KSR2: variants seen among roughly 807,000 people sequenced by gnomAD.
The protein encoded by KSR2 is kinase suppressor of ras 2.
Under a neutral mutation model 107.8 loss-of-function variants are expected in KSR2, and 25 were observed. The observed-to-expected ratio is 0.23, with a 90% CI of 0.17 to 0.32. KSR2 has a LOEUF of 0.32. Among genes scored for constraint, KSR2 ranks in the 10% least tolerant of loss-of-function variants. The probability of loss-of-function intolerance (pLI) is 1.00; values close to 1 mark genes in which losing one functional copy is unlikely to be tolerated. For missense variants in KSR2, 887 were observed against 1,268.9 expected (o/e 0.70, Z 4.57); for synonymous variants, 480 against 507.0 (o/e 0.95, Z 0.71).
chr12:117,934,660 C>T (rs569762283), intron 1 of KSR2, among the ~76,000 whole-genome samples: 2 of 152,260 alleles, frequency 1.3e-5, no homozygotes, highest in East Asian at 3.9e-4. Flanking sequence ...CAAAGGGGCT[C>T]AGATGAATAC....
intron 3 of KSR2, among the ~76,000 whole-genome samples, chr12:117,791,492 T>C (rs1384759897): frequency 6.6e-6 from 1 of 152,178 alleles, no homozygotes; most frequent in Non-Finnish European, 1.5e-5. Flanking sequence ...TACATTATAA[T>C]GGATCCTCGA....
At chr12:117,552,308 A>T (rs745647308) in intron 9 of KSR2, among the ~76,000 whole-genome samples, 2 of 152,182 alleles carry the variant, frequency 1.3e-5, no homozygotes, top group Non-Finnish European at 2.9e-5. Flanking sequence ...TAGTGTTCTT[A>T]TTGCCTGCCA....
intron 4 of KSR2, among the ~76,000 whole-genome samples, chr12:117,680,809 A>C (rs55999110): frequency 0.15 from 22,789 of 152,154 alleles, 1,901 homozygotes; most frequent in African/African-American, 0.23. Context: ...GTGTCTTTGA[A>C]AGATATATAT....
chr12:117,882,056 G>A (rs1894045269), intron 1 of KSR2, among the ~76,000 whole-genome samples: 1 of 152,164 alleles, frequency 6.6e-6, no homozygotes, highest in Non-Finnish European at 1.5e-5. Flanking sequence ...GGATGGAAAT[G>A]CCATGGCAGT....
chr12:117,825,970 G>A (rs1261987732), intron 3 of KSR2, among the ~76,000 whole-genome samples: 2 of 138,068 alleles, frequency 1.4e-5, no homozygotes, highest in African/African-American at 5.4e-5. Flanking sequence ...TGGGTGGGTG[G>A]GTAGGTGGGT....
At position 117,467,920 on chromosome 12, in the gene KSR2, T is replaced by TTG. The variant is rs1555269512; in HGVS notation, c.2847-716_2847-715insCA. 1.1e-3 allele frequency: 8 copies of TTG among 7,388 alleles called. 1 individual carries two copies. The highest frequency in any genetic ancestry group is 3.8e-3 in the East Asian group (1 of 262). The allele number at this position is 7,388 out of a possible 1,614,324, so 0.5% of individuals were successfully genotyped here. A position where few individuals can be genotyped will look rare whatever the true frequency, so the allele number is the denominator to read the frequency against. ...TATTCTGCTAGACCACAGTCCTGTG[T>TTG]TTTTTTTTTTTTTTTCCAGCCCAAC... On this transcript the variant is annotated intron_variant, in intron 19 of 19. Coordinates refer to ENST00000339824, the MANE Select transcript of KSR2 (RefSeq NM_173598.6).
rs550386045 is a variant in KSR2 at position 117,744,206 on chromosome 12, C to T, written c.986+16805G>A. 2.2e-3 allele frequency among the ~76,000 whole-genome samples: 341 copies of T among 152,240 alleles called. 2 individuals are homozygous for T. The highest frequency in any genetic ancestry group is 4.3e-3 in the Non-Finnish European group (294 of 68,010). On this transcript the variant is annotated intron_variant, in intron 4 of 19. Coordinates refer to ENST00000339824, the MANE Select transcript of KSR2 (RefSeq NM_173598.6). Reference sequence around the variant, plus strand: ...CATGGCACTGGTCAACCTCTCTGAGCCTCAGTTTCCTCATCCACAAAATGG... The same window carrying T: ...CATGGCACTGGTCAACCTCTCTGAGTCTCAGTTTCCTCATCCACAAAATGG...
rs776731615 is a variant in KSR2, at chr12:117,582,341, C to A, written c.1190G>T (p.Arg397Leu). The change falls in exon 6 of 20, where the codon CGC (arginine) becomes CTC (leucine). Residue 397 changes from arginine (R) to leucine (L), a missense_variant. Around this residue, in one of 8 missense-constraint regions of KSR2, gnomAD observed 399 missense variants for 479.5 expected, o/e 0.83. Coordinates refer to ENST00000339824, the MANE Select transcript of KSR2 (RefSeq NM_173598.6). ...TCTGCGAGGGATCTGCGGGGACCAG[C>A]GTGGCACTGACAGTGTGTCTACAGA... ...NFSANTLSVPRWSPQIPRRDL... is the reference protein window; with the variant it reads ...NFSANTLSVPLWSPQIPRRDL... The A allele has an allele frequency of 2.5e-6, 4 of 1,613,686 alleles. No homozygotes were observed. The highest frequency in any genetic ancestry group is 3.3e-4 in the Middle Eastern group (2 of 6,062).
At chr12:117,520,905 C>T (rs938386372) in intron 14 of KSR2, among the ~76,000 whole-genome samples, 2 of 152,146 alleles carry the variant, frequency 1.3e-5, no homozygotes, top group Admixed American at 1.3e-4. Context: ...GTGCTACTGG[C>T]ATCTAGTGAG....
chr12:117,827,034 C>CA (rs58583797), intron 3 of KSR2, among the ~76,000 whole-genome samples: 40,320 of 103,318 alleles, frequency 0.39, 6,929 homozygotes, highest in Middle Eastern at 0.49. Context: ...GACCCTGTCT[C>CA]AAAAAAAAAA....
chr12:117,866,688 G>C (rs2137268670), intron 1 of KSR2, among the ~76,000 whole-genome samples: 1 of 152,168 alleles, frequency 6.6e-6, no homozygotes, highest in South Asian at 2.1e-4. Flanking sequence ...AACTAGCCGG[G>C]CATGGTGGCG....
intron 16 of KSR2, among the ~76,000 whole-genome samples, chr12:117,480,022 A>ACGTG (rs1555208015): frequency 2.1e-5 from 3 of 142,192 alleles, no homozygotes; most frequent in South Asian, 2.2e-4. Flanking sequence ...ATCATTACAC[A>ACGTG]TGTGTATGTG....
intron 3 of KSR2, among the ~76,000 whole-genome samples, chr12:117,797,313 A>G (rs1272903689): frequency 6.6e-6 from 1 of 152,240 alleles, no homozygotes; most frequent in African/African-American, 2.4e-5. Context: ...AAAAAGGAAT[A>G]AAGTACTGAT....
At chr12:117,695,831 G>A (rs1276530838) in intron 4 of KSR2, among the ~76,000 whole-genome samples, 1 of 152,146 alleles carries the variant, frequency 6.6e-6, no homozygotes, top group African/African-American at 2.4e-5. Flanking sequence ...CTGTGGGGAA[G>A]AGAGAGAAAG....
At chr12:117,516,747 T>G (rs140414489) in intron 14 of KSR2, among the ~76,000 whole-genome samples, 36 of 151,888 alleles carry the variant, frequency 2.4e-4, no homozygotes, top group African/African-American at 8.7e-4. Context: ...CAAAGGGGAG[T>G]GTTTCATACA....
intron 1 of KSR2, among the ~76,000 whole-genome samples, chr12:117,931,136 T>C (rs1895685630): frequency 1.3e-5 from 2 of 151,968 alleles, no homozygotes; most frequent in South Asian, 4.1e-4. Flanking sequence ...TCTAAAAACA[T>C]TTCTCTCAAA....
At chr12:117,703,169 C>G (rs1363811645) in intron 4 of KSR2, among the ~76,000 whole-genome samples, 1 of 152,092 alleles carries the variant, frequency 6.6e-6, no homozygotes, top group Non-Finnish European at 1.5e-5. Context: ...GGCCTGGGTT[C>G]AAATCACACA....
chr12:117,698,360 G>A (rs1385528968), intron 4 of KSR2, among the ~76,000 whole-genome samples: 2 of 151,450 alleles, frequency 1.3e-5, no homozygotes, highest in African/African-American at 4.9e-5. Context: ...TCTCACTATA[G>A]GCTGGCATGC....
In KSR2 at chr12:117,454,834, G is replaced by C. The variant is rs527385107; in HGVS notation, c.*12365C>G. On this transcript the variant is annotated 3_prime_UTR_variant, in exon 20 of 20. Coordinates refer to ENST00000339824, the MANE Select transcript of KSR2 (RefSeq NM_173598.6). ...CCCAGAGACATCAGAGACACAGGTC[G>C]CAAGAGTCGATAGAGGGAAAGTGAA... 6.6e-6 allele frequency: 1 copy of C among 152,088 alleles called. No individual in the cohort carries two copies. The highest frequency in any genetic ancestry group is 1.9e-4 in the East Asian group (1 of 5,182). 9.4% of individuals were successfully genotyped at this position (152,088 alleles called of 1,614,324 possible). A position where few individuals can be genotyped will look rare whatever the true frequency, so the allele number is the denominator to read the frequency against.
Sources: allele counts gnomAD v4.1 joint callset (sites outside exome capture counted in the v4.1 genomes callset), GRCh38; gene constraint gnomAD v4.1.1; regional missense constraint gnomAD v4.1.1; transcripts MANE v1.5; gene names NCBI Gene and HGNC (gene_info 2026-07-23, HGNC 2026-07-21).